DNASE1: variants seen among roughly 807,000 people sequenced by gnomAD.
The protein encoded by DNASE1 is deoxyribonuclease-1.
Under a neutral mutation model 33.9 loss-of-function variants are expected in DNASE1, and 40 were observed. The observed-to-expected ratio is 1.18, with a 90% CI of 0.92 to 1.54. The LOEUF is 1.54. Among genes scored for constraint, DNASE1 ranks in the 40% most tolerant of loss-of-function variants. DNASE1 has a pLI of 0.00. For synonymous variants in DNASE1, 216 were observed against 160.0 expected (o/e 1.35, Z -2.64); for missense variants, 518 against 372.6 (o/e 1.39, Z -3.21).
chr16:3,629,721 T>C (rs1685633556), intron 1 of DNASE1, among the ~76,000 whole-genome samples: 1 of 152,204 alleles, frequency 6.6e-6, no homozygotes, highest in African/African-American at 2.4e-5. Flanking sequence ...GGACTTTTCT[T>C]AGGAGATTTT....
At chr16:3,643,083 C>G (rs2042069810) in intron 1 of DNASE1, 1 of 152,838 alleles carries the variant, frequency 6.5e-6, no homozygotes. Flanking sequence ...CCCTGGGGCA[C>G]TGGCTGGGCG....
chr16:3,661,953 C>A (rs374707079), downstream of DNASE1: 120 of 1,562,064 alleles, frequency 7.7e-5, no homozygotes, highest in African/African-American at 1.5e-3. Flanking sequence ...CTGGGGAATC[C>A]CACAGGCTGG....
chr16:3,642,288 C>T (rs904216893), upstream of DNASE1, among the ~76,000 whole-genome samples: 2 of 152,218 alleles, frequency 1.3e-5, no homozygotes, highest in Admixed American at 1.3e-4. Flanking sequence ...ACTGCCATGC[C>T]CTCCCATTAG....
intron 1 of DNASE1, among the ~76,000 whole-genome samples, chr16:3,617,304 C>A (rs765476399): frequency 1.9e-5 from 2 of 102,604 alleles, no homozygotes; most frequent in Non-Finnish European, 3.5e-5. Flanking sequence ...CCAGCCTAGT[C>A]AACAAGAGCG....
At position 3,613,609 on chromosome 16, in the gene DNASE1, C is replaced by G. The variant is rs190181682; in HGVS notation, c.-1359+1603C>G. On this transcript the variant is annotated intron_variant and NMD_transcript_variant, in intron 1 of 11. Coordinates refer to the DNASE1 transcript ENST00000570769. The stretch of plus-strand genomic sequence containing the variant: ...AGTTAGTTTGTAATATGGTTTCCAA[C>G]TGGATAAAGAAGACAGAACAAGAAT... 2.3e-3 allele frequency among the ~76,000 whole-genome samples: 345 copies of G among 152,288 alleles called. 1 individual carries two copies. The highest frequency in any genetic ancestry group is 3.0e-3 in the Non-Finnish European group (203 of 68,020).
Position 3,657,738 on chromosome 16 carries a change from G to A in DNASE1, c.723G>A (p.Met241Ile), listed in dbSNP as rs757847926. The change falls in exon 8 of 9, where the codon ATG becomes ATA. Residue 241 changes from methionine (M) to isoleucine (I), a missense_variant. Met to Ile is a conservative substitution (Grantham distance 10). Transcript: ENST00000246949. ...CCATCAGGATCGTGGTTGCAGGGAT[G>A]CTGCTCCGAGGCGCCGTTGTTCCCG... is the stretch of plus-strand genomic sequence containing the variant. ...CAYDRIVVAG[M>I]LLRGAVVPDS... is the part of the protein sequence containing the mutation. 1.9e-6 allele frequency: 3 copies of A among 1,613,822 alleles called. No individual in the cohort carries two copies. Among genetic ancestry groups the A allele is most frequent in the African/African-American group, 1.3e-5 (1 of 74,926 alleles).
upstream of DNASE1, among the ~76,000 whole-genome samples, chr16:3,650,057 T>G (rs116258618): frequency 2.7e-3 from 405 of 152,360 alleles, no homozygotes; most frequent in African/African-American, 9.1e-3. Context: ...CAACTGGAGT[T>G]GGTTCCTACA....
chr16:3,631,487 G>A (rs1416525660), intron 1 of DNASE1, among the ~76,000 whole-genome samples: 1 of 151,666 alleles, frequency 6.6e-6, no homozygotes, highest in Non-Finnish European at 1.5e-5. Context: ...TTACAGGTGT[G>A]AGCCACTGTG....
intron 1 of DNASE1, among the ~76,000 whole-genome samples, chr16:3,633,840 G>A (rs1001840532): frequency 2.1e-4 from 32 of 152,008 alleles, no homozygotes; most frequent in African/African-American, 6.5e-4. Context: ...ACCGAGTCTC[G>A]CTCTGTCGCC....
chr16:3,657,960 C>T lies in DNASE1; in HGVS notation c.*7C>T, dbSNP rs1567214508. The T allele has an allele frequency of 1.9e-6, 3 of 1,613,914 alleles. No individual in the cohort carries two copies. Among genetic ancestry groups the T allele is most frequent in the South Asian group, 2.2e-5 (2 of 91,048 alleles). ...GGAGGTGATGCTGAAGTGAGCAGCC[C>T]CTCCCCACACCAGTTGAACTGCAGG... On this transcript the variant is annotated 3_prime_UTR_variant, in exon 9 of 9. Transcript: ENST00000246949.
chr16:3,664,077 C>CAAA, exon 10 of DNASE1: 3 of 586,046 alleles, frequency 5.1e-6, no homozygotes, highest in Non-Finnish European at 5.6e-6. Context: ...AAACAAAAAA[C>CAAA]AAACAAAAAA....
chr16:3,634,165 C>T (rs984126607), intron 1 of DNASE1, among the ~76,000 whole-genome samples: 1 of 151,822 alleles, frequency 6.6e-6, no homozygotes, highest in Non-Finnish European at 1.5e-5. Context: ...GATTATTGAC[C>T]CAATCATTGA....
intron 1 of DNASE1, among the ~76,000 whole-genome samples, chr16:3,619,518 C>G: frequency 6.6e-6 from 1 of 151,956 alleles, no homozygotes; most frequent in African/African-American, 2.4e-5. Flanking sequence ...CCCGCCACCA[C>G]GCCTAGCTCC....
upstream of DNASE1, among the ~76,000 whole-genome samples, chr16:3,638,494 C>A (rs145819810): frequency 6.6e-6 from 1 of 152,164 alleles, no homozygotes. Flanking sequence ...CCCGCCACCA[C>A]ACTCAGCTAA....
intron 1 of DNASE1, among the ~76,000 whole-genome samples, chr16:3,619,485 C>G (rs1453767960): frequency 6.6e-6 from 1 of 152,078 alleles, no homozygotes; most frequent in African/African-American, 2.4e-5. Flanking sequence ...CCTCAGCCTC[C>G]CGAGTAGCTG....
At chr16:3,650,846 A>C (rs2042312627), upstream of DNASE1, 1 of 152,310 alleles carries the variant, frequency 6.6e-6, no homozygotes, top group Admixed American at 6.5e-5. Context: ...TTCCACGTCG[A>C]CCTTCACAGT....
At chr16:3,645,392 C>T (rs531916050) in intron 1 of DNASE1, among the ~76,000 whole-genome samples, 1 of 152,350 alleles carries the variant, frequency 6.6e-6, no homozygotes, top group South Asian at 2.1e-4. Context: ...AGTCCAGTTG[C>T]AGTTCGCCTT....
At chr16:3,634,892 A>G (rs1350078723) in intron 1 of DNASE1, among the ~76,000 whole-genome samples, 3 of 152,076 alleles carry the variant, frequency 2.0e-5, no homozygotes, top group Non-Finnish European at 1.5e-5. Context: ...CACAAGTGCA[A>G]TCCCATGACT....
chr16:3,662,837 G>A (rs762374327), downstream of DNASE1: 6 of 1,594,146 alleles, frequency 3.8e-6, no homozygotes, highest in Non-Finnish European at 5.2e-6. Flanking sequence ...CAGCCTGTTA[G>A]GGACACTGCG....
Sources: allele counts gnomAD v4.1 joint callset (sites outside exome capture counted in the v4.1 genomes callset), GRCh38; gene constraint gnomAD v4.1.1; transcripts MANE v1.5; gene names NCBI Gene and HGNC (gene_info 2026-07-23, HGNC 2026-07-21).